The following EPDR1 variants were observed in gnomAD, a reference collection of about 807,000 sequenced individuals.
The protein encoded by EPDR1 is mammalian ependymin-related protein 1.
Under a neutral mutation model 23.7 loss-of-function variants are expected in EPDR1, and 27 were observed. That is an observed-to-expected ratio of 1.14 (90% CI 0.84 to 1.57). The LOEUF (loss-of-function observed/expected upper bound fraction) is 1.57. Among genes scored for constraint, EPDR1 ranks in the 40% most tolerant of loss-of-function variants. The pLI, the probability that EPDR1 is intolerant of heterozygous loss-of-function variation, is 0.00. For missense variants in EPDR1, 349 were observed against 290.4 expected (o/e 1.20, Z -1.47); for synonymous variants, 137 against 118.2 (o/e 1.16, Z -1.03).
At chr7:37,936,023 T>TATACACAC (rs1554374628) in intron 1 of EPDR1, among the ~76,000 whole-genome samples, 2 of 99,656 alleles carry the variant, frequency 2.0e-5, no homozygotes, top group Non-Finnish European at 4.3e-5. Flanking sequence ...TATATATATA[T>TATACACAC]ATATATATAT....
At chr7:37,927,211 C>G (rs1785831631) in intron 1 of EPDR1, among the ~76,000 whole-genome samples, 1 of 152,132 alleles carries the variant, frequency 6.6e-6, no homozygotes, top group African/African-American at 2.4e-5. Flanking sequence ...TCTCAATGGA[C>G]AAAGCAAGGG....
intron 1 of EPDR1, among the ~76,000 whole-genome samples, chr7:37,939,202 A>G (rs978207976): frequency 6.6e-6 from 1 of 151,948 alleles, no homozygotes; most frequent in Non-Finnish European, 1.5e-5. Flanking sequence ...GATGGTCTCG[A>G]TCTCCTGACC....
intron 1 of EPDR1, among the ~76,000 whole-genome samples, chr7:37,921,652 T>C (rs1264399579): frequency 6.6e-6 from 1 of 152,222 alleles, no homozygotes; most frequent in Non-Finnish European, 1.5e-5. Flanking sequence ...TAAGAAATAC[T>C]TTTTGTATTT....
intron 1 of EPDR1, among the ~76,000 whole-genome samples, chr7:37,937,015 CTAG>C (rs1786067586): frequency 6.6e-6 from 1 of 152,112 alleles, no homozygotes; most frequent in Non-Finnish European, 1.5e-5. Flanking sequence ...TTGAAACACA[CTAG>C]TAAGTCTCTG....
chr7:37,942,914 G>A (rs1290068411), intron 1 of EPDR1, among the ~76,000 whole-genome samples: 1 of 152,214 alleles, frequency 6.6e-6, no homozygotes, highest in Admixed American at 6.5e-5. Flanking sequence ...AATGTAACCT[G>A]AGAATTTTAG....
At chr7:37,925,064 C>A (rs948072320) in intron 1 of EPDR1, among the ~76,000 whole-genome samples, 1 of 152,176 alleles carries the variant, frequency 6.6e-6, no homozygotes, top group Non-Finnish European at 1.5e-5. Context: ...ATAAGACAAG[C>A]CTGAGCAGCA....
rs1583673254 is a variant in EPDR1 at position 37,948,905 on chromosome 7, A to G, written c.335A>G (p.Gln112Arg). 5.0e-6 allele frequency: 8 copies of G among 1,614,190 alleles called. No homozygotes were observed. The East Asian group carries it at 8.9e-5, about 18-fold the overall frequency. The change falls in exon 2 of 3, where the codon CAG becomes CGG. Residue 112 changes from glutamine (Q) to arginine (R), a missense_variant. Physicochemically the swap from Gln to Arg is conservative, Grantham distance 43 (BLOSUM62 1). Transcript: ENST00000199448. ...VMFQIDQATK[Q>R]CSKMTLTQPW... is the part of the protein sequence containing the mutation. ...TTTCAGATTGACCAAGCCACCAAGCAGTGCTCAAAGATGACCCTGACACAG... is the reference window on the plus strand; with the variant it reads ...TTTCAGATTGACCAAGCCACCAAGCGGTGCTCAAAGATGACCCTGACACAG...
At chr7:37,933,460 G>A (rs543040798) in intron 1 of EPDR1, among the ~76,000 whole-genome samples, 3 of 152,264 alleles carry the variant, frequency 2.0e-5, no homozygotes, top group African/African-American at 4.8e-5. Context: ...GGTTGATCCC[G>A]TACTTAACTA....
In EPDR1 at chr7:37,950,287, C is replaced by A; in HGVS notation, c.566C>A (p.Thr189Lys). The stretch of plus-strand genomic sequence containing the variant: ...ATAAACTACAGTGTGATATTGTCTA[C>A]GCGGTTTTTTGACATCCAGCTGGGT... ...FTINYSVILS[T>K]RFFDIQLGIK... The change falls in exon 3 of 3, where the codon ACG (threonine) becomes AAG (lysine). Residue 189 changes from threonine to lysine, a missense_variant. Physicochemically the swap from Thr to Lys is moderately conservative, Grantham distance 78. Transcript: ENST00000199448. The A allele has an allele frequency of 6.2e-7, 1 of 1,614,046 alleles. No individual in the cohort carries two copies. The highest frequency in any genetic ancestry group is 8.5e-7 in the Non-Finnish European group (1 of 1,179,968).
At chr7:37,921,327 CAG>C in intron 1 of EPDR1, 119 bp downstream of exon 1, 1 of 1,429,886 alleles carries the variant, frequency 7.0e-7, no homozygotes, top group Non-Finnish European at 9.1e-7. Flanking sequence ...TCCCTTCTCC[CAG>C]AGAGATCTTT....
intron 1 of EPDR1, among the ~76,000 whole-genome samples, chr7:37,948,578 G>A (rs1562864882): frequency 6.6e-6 from 1 of 152,034 alleles, no homozygotes; most frequent in South Asian, 2.1e-4. Flanking sequence ...AAACTCCTGG[G>A]CTCAAAACGT....
chr7:37,948,008 G>A (rs1338513689), intron 1 of EPDR1, among the ~76,000 whole-genome samples: 10 of 152,222 alleles, frequency 6.6e-5, no homozygotes, highest in East Asian at 5.8e-4. Flanking sequence ...TGTGGGCTGC[G>A]CCCGTGCCGG....
intron 1 of EPDR1, among the ~76,000 whole-genome samples, chr7:37,935,870 T>G (rs948365029): frequency 2.7e-5 from 4 of 150,910 alleles, no homozygotes; most frequent in Non-Finnish European, 5.9e-5. Flanking sequence ...TAAATTTTTT[T>G]GCTGGGATAT....
chr7:37,932,592 G>A (rs1045346413), intron 1 of EPDR1, among the ~76,000 whole-genome samples: 1 of 152,196 alleles, frequency 6.6e-6, no homozygotes, highest in Admixed American at 6.5e-5. Context: ...GTTTGCGTGA[G>A]TTTATATTTC....
At chr7:37,948,540 G>A (rs1244352244) in intron 1 of EPDR1, among the ~76,000 whole-genome samples, 3 of 151,852 alleles carry the variant, frequency 2.0e-5, no homozygotes, top group African/African-American at 7.3e-5. Flanking sequence ...AGAGACAGGG[G>A]TCTCACTATG....
At chr7:37,928,499 C>G (rs372860565) in intron 1 of EPDR1, among the ~76,000 whole-genome samples, 12 of 152,254 alleles carry the variant, frequency 7.9e-5, no homozygotes, top group African/African-American at 2.9e-4. Flanking sequence ...TACTCCCATG[C>G]TCTCTTGAAC....
chr7:37,921,444 G>T (rs1199386229), intron 1 of EPDR1: 15 of 1,383,368 alleles, frequency 1.1e-5, no homozygotes, highest in Middle Eastern at 3.7e-4. Context: ...CCAGCGAGGC[G>T]GTGGCAGGTA....
chr7:37,940,558 T>C (rs533858841), intron 1 of EPDR1, among the ~76,000 whole-genome samples: 3 of 152,298 alleles, frequency 2.0e-5, no homozygotes, highest in Non-Finnish European at 2.9e-5. Context: ...GGGAATTATA[T>C]TCTAAGGATA....
intron 1 of EPDR1, among the ~76,000 whole-genome samples, chr7:37,940,808 T>A (rs1316149377): frequency 1.5e-5 from 1 of 66,176 alleles, no homozygotes; most frequent in Non-Finnish European, 3.6e-5. Flanking sequence ...TTTTTTTTTC[T>A]AATTGGAAGC....
Sources: allele counts gnomAD v4.1 joint callset (sites outside exome capture counted in the v4.1 genomes callset), GRCh38; gene constraint gnomAD v4.1.1; transcripts MANE v1.5; gene names NCBI Gene and HGNC (gene_info 2026-07-23, HGNC 2026-07-21).